Variants in IPP observed in about 807,000 individuals in gnomAD.
The protein encoded by IPP is intracisternal A particle-promoted polypeptide.
In IPP, 41 loss-of-function variants were observed where a neutral mutation model predicts 64.1. That is an observed-to-expected ratio of 0.64 (90% CI 0.50 to 0.83). The LOEUF (loss-of-function observed/expected upper bound fraction) is 0.83, where lower values mean the gene tolerates loss of function less well. Among genes scored for constraint, IPP ranks in the 40% least tolerant of loss-of-function variants. The probability of loss-of-function intolerance (pLI) is 0.00; values close to 1 mark genes in which losing one functional copy is unlikely to be tolerated. For missense variants in IPP, 649 were observed against 703.0 expected (o/e 0.92, Z 0.87); for synonymous variants, 214 against 235.2 (o/e 0.91, Z 0.83).
chr1:45,741,903 CA>C (rs1646072159), intron 2 of IPP, among the ~76,000 whole-genome samples: 1 of 151,434 alleles, frequency 6.6e-6, no homozygotes, highest in African/African-American at 2.4e-5. Context: ...GCTGGGATTA[CA>C]GGCGTGAGCC....
At chr1:45,744,553 T>A (rs1448703521) in intron 2 of IPP, among the ~76,000 whole-genome samples, 1 of 152,076 alleles carries the variant, frequency 6.6e-6, no homozygotes, top group Non-Finnish European at 1.5e-5. Flanking sequence ...AAAAAAATTT[T>A]TTTTTGGCTA....
Position 45,746,482 on chromosome 1 carries a change from A to C in IPP, c.-50-21T>G, listed in dbSNP as rs529700493. The C allele has an allele frequency of 3.5e-4, 446 of 1,265,222 alleles. 5 individuals carry two copies. In the South Asian group the frequency reaches 6.1e-3, roughly 17 times the overall value. The allele number at this position is 1,265,222 out of a possible 1,614,324, so 78.4% of individuals were successfully genotyped here. A position where few individuals can be genotyped will look rare whatever the true frequency, so the allele number is the denominator to read the frequency against. On this transcript the variant is annotated intron_variant, in intron 1 of 8. Coordinates refer to ENST00000396478, the MANE Select transcript of IPP (RefSeq NM_005897.3). ...CTACCCTGAAAAACAAAATACAAAG[A>C]GATCAAGCAACAAAATTTTTTTAAC...
Position 45,699,406 on chromosome 1 carries a change from A to G in IPP, c.*560T>C. Reference sequence around the variant, plus strand: ...AAACTGTGTCATTGACACTATTCCTATATCACATAAAGTTTTATGTTACAA... The same window carrying G: ...AAACTGTGTCATTGACACTATTCCTGTATCACATAAAGTTTTATGTTACAA... On this transcript the variant is annotated 3_prime_UTR_variant, in exon 9 of 9. Coordinates refer to ENST00000396478, the MANE Select transcript of IPP (RefSeq NM_005897.3). 2.0e-6 allele frequency: 2 copies of G among 985,560 alleles called. No homozygotes were observed. Among genetic ancestry groups the G allele is most frequent in the Non-Finnish European group, 2.4e-6 (2 of 829,898 alleles). 61.1% of individuals were successfully genotyped at this position (985,560 alleles called of 1,614,324 possible). A position where few individuals can be genotyped will look rare whatever the true frequency, so the allele number is the denominator to read the frequency against.
intron 8 of IPP, among the ~76,000 whole-genome samples, chr1:45,706,616 A>C (rs973280595): frequency 5.3e-5 from 8 of 151,954 alleles, no homozygotes; most frequent in Non-Finnish European, 1.0e-4. Flanking sequence ...TGCCCAGCTA[A>C]TTTTGTATTT....
chr1:45,745,795 G>A (rs547974992), intron 2 of IPP, among the ~76,000 whole-genome samples: 2 of 152,172 alleles, frequency 1.3e-5, no homozygotes, highest in South Asian at 4.1e-4. Context: ...AACCTGGGAG[G>A]CAGAGGTTGC....
At chr1:45,704,527 C>T (rs1214253512) in intron 8 of IPP, among the ~76,000 whole-genome samples, 3 of 152,014 alleles carry the variant, frequency 2.0e-5, no homozygotes, top group Admixed American at 1.3e-4. Flanking sequence ...TGAGACACCG[C>T]GCCCGGCGGA....
intron 2 of IPP, among the ~76,000 whole-genome samples, chr1:45,745,033 C>G (rs1646116604): frequency 6.6e-6 from 1 of 151,978 alleles, no homozygotes; most frequent in South Asian, 2.1e-4. Flanking sequence ...CACACTCCAG[C>G]CTAGACAACA....
chr1:45,742,624 C>T (rs1570050101), intron 2 of IPP, among the ~76,000 whole-genome samples: 1 of 152,146 alleles, frequency 6.6e-6, no homozygotes, highest in East Asian at 1.9e-4. Flanking sequence ...ACCTCTGCCT[C>T]CCACGCTCAG....
chr1:45,746,564 A>G, intron 1 of IPP, 103 bp from the exon 2 acceptor site: 1 of 580,568 alleles, frequency 1.7e-6, no homozygotes, highest in Non-Finnish European at 3.1e-6. Flanking sequence ...ACTTAAGGAC[A>G]TAAAACAAAT....
chr1:45,740,727 G>A (rs28647556), intron 3 of IPP, among the ~76,000 whole-genome samples, 174 bp downstream of exon 3: 81,275 of 151,612 alleles, frequency 0.54, 21,888 homozygotes, highest in Middle Eastern at 0.61. Flanking sequence ...CCCACCCACA[G>A]AACACAAAAG....
At position 45,716,779 on chromosome 1, in the gene IPP, G is replaced by A. The variant is rs1179973457; in HGVS notation, c.1309+116C>T. 4 of 769,646 alleles carry A rather than the reference G, an allele frequency of 5.2e-6. No individual in the cohort carries two copies. In the African/African-American group the frequency reaches 7.2e-5, roughly 14 times the overall value. 47.7% of individuals were successfully genotyped at this position (769,646 alleles called of 1,614,324 possible). ...AAAAAGCAGAACTTCTATGCTGCTA[G>A]TATCAGTCATTCAATACTAACAGAC... is the stretch of plus-strand genomic sequence containing the variant. On this transcript the variant is annotated intron_variant, in intron 7 of 8. Transcript: ENST00000396478.
chr1:45,694,355 A>C (rs1337605170), downstream of IPP: 1 of 870,970 alleles, frequency 1.1e-6, no homozygotes, highest in African/African-American at 1.7e-5. Flanking sequence ...GTTTTCACTC[A>C]GTCATTTTAT....
At chr1:45,728,529 C>G (rs1188790857) in intron 4 of IPP, among the ~76,000 whole-genome samples, 1 of 151,336 alleles carries the variant, frequency 6.6e-6, no homozygotes, top group Non-Finnish European at 1.5e-5. Context: ...GGGTCTTGCT[C>G]TGTTGCCCAG....
intron 8 of IPP, among the ~76,000 whole-genome samples, chr1:45,706,748 C>A (rs1055790539): frequency 6.6e-6 from 1 of 152,076 alleles, no homozygotes; most frequent in African/African-American, 2.4e-5. Flanking sequence ...CTGCACCCAG[C>A]CTAAATAATT....
chr1:45,702,256 TTTAA>T (rs1442698148), intron 8 of IPP, among the ~76,000 whole-genome samples: 1 of 152,116 alleles, frequency 6.6e-6, no homozygotes, highest in Non-Finnish European at 1.5e-5. Context: ...TTATTTTTGA[TTTAA>T]TTGACATGTT....
At chr1:45,731,247 C>T (rs977099688) in intron 3 of IPP, among the ~76,000 whole-genome samples, 12 of 152,134 alleles carry the variant, frequency 7.9e-5, no homozygotes, top group African/African-American at 2.9e-4. Flanking sequence ...TCAAGACCAG[C>T]CTGGGCAACA....
Position 45,729,606 on chromosome 1 carries a change from T to C in IPP, c.880+8A>G. ...TAATTTCTATTACTTTTTTAAGGGC[T>C]CTCTCACCTACTGCATACAGGTACT... On this transcript the variant is annotated splice_region_variant and intron_variant, in intron 4 of 8. Transcript: ENST00000396478. 1 of 1,600,284 alleles carries C rather than the reference T, an allele frequency of 6.2e-7. No homozygotes were observed. Among genetic ancestry groups the C allele is most frequent in the African/African-American group, 1.3e-5 (1 of 74,458 alleles).
intron 7 of IPP, among the ~76,000 whole-genome samples, chr1:45,714,749 C>T (rs1329420920): frequency 6.6e-6 from 1 of 152,008 alleles, no homozygotes; most frequent in Non-Finnish European, 1.5e-5. Flanking sequence ...TTGGTGATCT[C>T]AGGTTCCAGA....
rs1175765245 is a variant in IPP at position 45,749,520 on chromosome 1, T to TTTTTG, written c.-51+1072_-51+1076dup. Among the ~76,000 whole-genome samples, 348 of 129,606 alleles carry TTTTTG rather than the reference T, an allele frequency of 2.7e-3. 2 individuals are homozygous for TTTTTG. Among genetic ancestry groups the TTTTTG allele is most frequent in the African/African-American group, 5.4e-3 (190 of 35,144 alleles). The allele number at this position is 129,606 out of a possible 152,430, so 85.0% of individuals were successfully genotyped here. On this transcript the variant is annotated intron_variant, in intron 1 of 8. Transcript: ENST00000396478. Reference sequence around the variant, plus strand: ...TTTTTTTTTTTTGTTTTGTTTTTGTTTTTTGTTTTTTTTTTTTTGAGACGG... The same window carrying TTTTTG: ...TTTTTTTTTTTTGTTTTGTTTTTGTTTTTTGTTTTGTTTTTTTTTTTTTGAGACGG...
Sources: allele counts gnomAD v4.1 joint callset (sites outside exome capture counted in the v4.1 genomes callset), GRCh38; gene constraint gnomAD v4.1.1; transcripts MANE v1.5; gene names NCBI Gene and HGNC (gene_info 2026-07-23, HGNC 2026-07-21).